Variants in ITPR1 observed in about 807,000 individuals in gnomAD.
The protein encoded by ITPR1 is inositol 1,4,5-trisphosphate-gated calcium channel ITPR1.
ITPR1 carries 96 observed loss-of-function variants against 318.4 expected under a neutral mutation model. That is an observed-to-expected ratio of 0.30 (90% CI 0.26 to 0.36). The LOEUF (loss-of-function observed/expected upper bound fraction) is 0.36, where lower values mean the gene tolerates loss of function less well. Ranked by LOEUF, ITPR1 falls within the 10% of genes least tolerant of loss-of-function variation. The probability of loss-of-function intolerance (pLI) is 1.00; values close to 1 mark genes in which losing one functional copy is unlikely to be tolerated. For synonymous variants in ITPR1, 1,312 were observed against 1,289.9 expected, an observed-to-expected ratio of 1.02 and a Z score of -0.37; for missense variants, 2,440 against 3,460.2, an observed-to-expected ratio of 0.71 and a Z score of 7.40.
chr3:4,774,942 A>T (rs2046396996), intron 46 of ITPR1, among the ~76,000 whole-genome samples: 1 of 152,240 alleles, frequency 6.6e-6, no homozygotes, highest in African/African-American at 2.4e-5. Flanking sequence ...GGAGAGAGGA[A>T]GGGTTAAGAA....
chr3:4,606,389 G>A (rs2091704048), intron 4 of ITPR1, among the ~76,000 whole-genome samples: 1 of 152,114 alleles, frequency 6.6e-6, no homozygotes, highest in Non-Finnish European at 1.5e-5. Context: ...AATACAATTT[G>A]TAAACCAAAA....
intron 39 of ITPR1, among the ~76,000 whole-genome samples, 194 bp downstream of exon 39, chr3:4,712,062 G>A (rs976732812): frequency 9.2e-5 from 14 of 152,204 alleles, no homozygotes; most frequent in Non-Finnish European, 1.6e-4. Flanking sequence ...TTTTTTAAAA[G>A]TCAAATATAC....
Position 4,725,567 on chromosome 3 carries a change from G to T in ITPR1, c.5158G>T (p.Glu1720Ter). 1 of 1,599,166 alleles carries T rather than the reference G, an allele frequency of 6.3e-7. No homozygotes were observed. Among genetic ancestry groups the T allele is most frequent in the Non-Finnish European group, 8.5e-7 (1 of 1,179,626 alleles). The stretch of plus-strand genomic sequence containing the variant: ...TTAGCTTCCTCCAGCTCCGGATTCT[G>T]AGAACGCCACTGAGGTGTGTTGCCC... ...NAELPPAPDS[E>*]NATEELEPSP... is the part of the protein sequence containing the mutation. The change falls in exon 41 of 62, where the codon GAG becomes TAG. Residue 1720 changes from glutamate to a stop codon, truncating the protein, a stop_gained. Transcript: ENST00000649015. LOFTEE classifies it high-confidence loss of function.
intron 61 of ITPR1, among the ~76,000 whole-genome samples, chr3:4,837,349 T>A (rs1031240373): frequency 6.6e-6 from 1 of 152,156 alleles, no homozygotes; most frequent in Admixed American, 6.5e-5. Flanking sequence ...TCACCCCATA[T>A]ATTTAAATTC....
intron 24 of ITPR1, among the ~76,000 whole-genome samples, chr3:4,677,492 A>G (rs2094208160): frequency 1.3e-5 from 2 of 152,224 alleles, no homozygotes; most frequent in South Asian, 4.1e-4. Flanking sequence ...GGAGATAGCC[A>G]CACAGATATC....
intron 5 of ITPR1, among the ~76,000 whole-genome samples, chr3:4,639,077 C>G (rs1255474694): frequency 6.6e-6 from 1 of 152,164 alleles, no homozygotes; most frequent in Admixed American, 6.5e-5. Context: ...CCCTCCCTCC[C>G]CGACCCTATT....
chr3:4,563,212 C>T (rs2086859816), intron 4 of ITPR1, among the ~76,000 whole-genome samples: 1 of 152,066 alleles, frequency 6.6e-6, no homozygotes, highest in African/African-American at 2.4e-5. Flanking sequence ...GTAGTCAAGA[C>T]CATGTAAAAA....
intron 4 of ITPR1, among the ~76,000 whole-genome samples, chr3:4,533,842 G>A (rs1473002591): frequency 6.6e-6 from 1 of 152,180 alleles, no homozygotes; most frequent in Non-Finnish European, 1.5e-5. Flanking sequence ...TCGTTTGCTC[G>A]AGATGGTAAT....
chr3:4,714,212 A>G (rs1325466991), intron 39 of ITPR1, among the ~76,000 whole-genome samples: 1 of 152,046 alleles, frequency 6.6e-6, no homozygotes, highest in Non-Finnish European at 1.5e-5. Context: ...AATAACCCGG[A>G]GCCAAAGAAC....
At chr3:4,593,209 A>G (rs2090526329) in intron 4 of ITPR1, among the ~76,000 whole-genome samples, 1 of 152,220 alleles carries the variant, frequency 6.6e-6, no homozygotes, top group South Asian at 2.1e-4. Flanking sequence ...GAACTGTCTA[A>G]CAATACCTGT....
At chr3:4,578,127 A>C (rs1395536796) in intron 4 of ITPR1, among the ~76,000 whole-genome samples, 1 of 152,262 alleles carries the variant, frequency 6.6e-6, no homozygotes. Flanking sequence ...TCAGATTGCT[A>C]TAACGCTTGA....
intron 4 of ITPR1, among the ~76,000 whole-genome samples, chr3:4,576,616 C>T (rs74699895): frequency 2.0e-3 from 305 of 152,298 alleles, no homozygotes; most frequent in African/African-American, 7.0e-3. Flanking sequence ...CAGCTCCTAG[C>T]GTTGGACGGA....
intron 44 of ITPR1, among the ~76,000 whole-genome samples, chr3:4,743,987 C>T (rs185725557): frequency 6.6e-6 from 1 of 152,058 alleles, no homozygotes; most frequent in Non-Finnish European, 1.5e-5. Context: ...GGTGCCCACC[C>T]CCACGCCCAG....
chr3:4,632,571 G>A (rs1294418535), intron 5 of ITPR1, among the ~76,000 whole-genome samples: 1 of 152,130 alleles, frequency 6.6e-6, no homozygotes, highest in African/African-American at 2.4e-5. Flanking sequence ...TTTTAGTGTA[G>A]TATCTCAATT....
intron 40 of ITPR1, 35 bp downstream of exon 40, chr3:4,717,434 C>T (rs755234632): frequency 2.6e-6 from 4 of 1,543,566 alleles, no homozygotes; most frequent in Middle Eastern, 1.7e-4. Flanking sequence ...TTTCATGTCT[C>T]ATGGTGGTGT....
chr3:4,628,075 GTTC>G (rs570124103), intron 5 of ITPR1, among the ~76,000 whole-genome samples, 197 bp downstream of exon 5: 78 of 152,276 alleles, frequency 5.1e-4, no homozygotes, highest in African/African-American at 1.9e-3. Flanking sequence ...TGTCTGGAGA[GTTC>G]TTCTTTTCTC....
rs563330609 is a variant in ITPR1 at position 4,690,340 on chromosome 3, G to A, written c.3829-804G>A. Among the ~76,000 whole-genome samples the A allele has an allele frequency of 5.3e-5, 8 of 152,232 alleles. No individual in the cohort carries two copies. The East Asian group carries it at 1.2e-3, about 22-fold the overall frequency. On this transcript the variant is annotated intron_variant, in intron 31 of 61. Coordinates refer to ENST00000649015, the MANE Select transcript of ITPR1 (RefSeq NM_001378452.1). ...CTTGAACAGACACCCTGTTGGAGAG[G>A]ATATCCAAATGGCCAGTAAATGTGA... is the stretch of plus-strand genomic sequence containing the variant.
At chr3:4,630,752 A>T (rs2092991970) in intron 5 of ITPR1, among the ~76,000 whole-genome samples, 1 of 151,614 alleles carries the variant, frequency 6.6e-6, no homozygotes. Flanking sequence ...CGCCCTACTA[A>T]TTTTTTTGTA....
rs2094298317 is a variant in ITPR1 at position 4,681,554 on chromosome 3, T to C, written c.3161+136T>C. The C allele has an allele frequency of 4.5e-6, 3 of 660,868 alleles. No individual in the cohort carries two copies. The African/African-American group carries it at 5.4e-5, about 12-fold the overall frequency. The allele number at this position is 660,868 out of a possible 1,614,324, so 40.9% of individuals were successfully genotyped here. On this transcript the variant is annotated intron_variant, in intron 26 of 61. Transcript: ENST00000649015. ...TTGGTGCTATCTTTGGAACTGTTAG[T>C]ACTCAAGTCAGAGTTAACTTGGTTG...
Sources: allele counts gnomAD v4.1 joint callset (sites outside exome capture counted in the v4.1 genomes callset), GRCh38; gene constraint gnomAD v4.1.1; transcripts MANE v1.5; gene names NCBI Gene and HGNC (gene_info 2026-07-23, HGNC 2026-07-21).